The following ZNF680 variants were observed in gnomAD, a reference collection of about 807,000 sequenced individuals.
The protein encoded by ZNF680 is hypothetical protein FLJ90430.
In ZNF680, 6 loss-of-function variants were observed where a neutral mutation model predicts 12.1. That is an observed-to-expected ratio of 0.49 (90% CI 0.27 to 0.98). The LOEUF (loss-of-function observed/expected upper bound fraction) is 0.98, where lower values mean the gene tolerates loss of function less well. Among genes scored for constraint, ZNF680 ranks in the 50% least tolerant of loss-of-function variants. The pLI is 0.12. For synonymous variants in ZNF680, 170 were observed against 199.3 expected (o/e 0.85, Z 1.24); for missense variants, 561 against 616.3 (o/e 0.91, Z 0.95).
chr7:64,526,566 A>G (rs899197363), intron 3 of ZNF680: 1 of 420,668 alleles, frequency 2.4e-6, no homozygotes, highest in Non-Finnish European at 4.2e-6. Context: ...TATTTAAAAA[A>G]AAAAAATGAT....
the ZNF680 span, among the ~76,000 whole-genome samples, chr7:64,499,608 T>G: frequency 6.6e-6 from 1 of 151,968 alleles, no homozygotes; most frequent in Non-Finnish European, 1.5e-5. Context: ...ACACAAAAAA[T>G]TAACCGGGTG....
At position 64,548,260 on chromosome 7, in the gene ZNF680, A is replaced by C. The variant is rs185612301; in HGVS notation, c.31-3828T>G. Reference sequence around the variant, plus strand: ...TAGGACATAAATATGTATTAATAGGAAAGTAAAAAAGAATACAAACAATAA... The same window carrying C: ...TAGGACATAAATATGTATTAATAGGCAAGTAAAAAAGAATACAAACAATAA... On this transcript the variant is annotated intron_variant, in intron 1 of 3. Coordinates refer to ENST00000309683, the MANE Select transcript of ZNF680 (RefSeq NM_178558.5). 6.4e-4 allele frequency among the ~76,000 whole-genome samples: 97 copies of C among 152,382 alleles called. 2 individuals carry two copies. The East Asian group carries it at 0.016, about 26-fold the overall frequency.
intron 3 of ZNF680, among the ~76,000 whole-genome samples, chr7:64,539,454 G>T (rs1786382773): frequency 6.6e-6 from 1 of 150,790 alleles, no homozygotes; most frequent in African/African-American, 2.5e-5. Context: ...AAAATGATGG[G>T]TACTGTATGA....
chr7:64,562,744 G>A (rs1188691889), intron 1 of ZNF680, among the ~76,000 whole-genome samples, 181 bp downstream of exon 1: 1 of 152,186 alleles, frequency 6.6e-6, no homozygotes, highest in Non-Finnish European at 1.5e-5. Flanking sequence ...CCCGGGGTCC[G>A]GCTGTCAGCC....
At chr7:64,508,127 A>G in the ZNF680 span, among the ~76,000 whole-genome samples, 6 of 80,034 alleles carry the variant, frequency 7.5e-5, no homozygotes, top group African/African-American at 3.1e-4. Flanking sequence ...TAAAATGTAT[A>G]TATATATATA....
chr7:64,539,247 C>T (rs56029706), intron 3 of ZNF680, among the ~76,000 whole-genome samples: 1 of 143,024 alleles, frequency 7.0e-6, no homozygotes, highest in African/African-American at 2.6e-5. Flanking sequence ...AAAAAAAAAT[C>T]TTGGGAAGCT....
chr7:64,557,574 A>C, intron 1 of ZNF680, among the ~76,000 whole-genome samples: 1 of 151,818 alleles, frequency 6.6e-6, no homozygotes, highest in East Asian at 1.9e-4. Flanking sequence ...AAAAAACAAA[A>C]AAAAACAAAA....
At chr7:64,500,935 T>C in the ZNF680 span, 1 of 632,712 alleles carries the variant, frequency 1.6e-6, no homozygotes, top group South Asian at 1.4e-5. Context: ...AGGCAATCTT[T>C]TCGATGTGCA....
the ZNF680 span, among the ~76,000 whole-genome samples, chr7:64,504,924 A>G: frequency 6.6e-6 from 1 of 152,314 alleles, no homozygotes; most frequent in South Asian, 2.1e-4. Flanking sequence ...AAATTGAGAG[A>G]CTAGATTTGC....
rs760482124 is a variant in ZNF680 at position 64,522,304 on chromosome 7, C to T, written c.450G>A (p.Gln150=). ...NELNQCLRTT[Q]SKIFQCDKYV... ...ATTTATCACATTGAAATATTTTGCT[C>T]TGGGTAGTTCTCAAACATTGGTTAA... Residue 150 remains glutamine (Q), a synonymous_variant, in exon 4 of 4, where the codon CAG becomes CAA. Coordinates refer to ENST00000309683, the MANE Select transcript of ZNF680 (RefSeq NM_178558.5). The T allele has an allele frequency of 3.7e-6, 6 of 1,612,854 alleles. No homozygotes were observed. The highest frequency in any genetic ancestry group is 4.5e-5 in the East Asian group (2 of 44,788).
chr7:64,562,001 G>A (rs565614546), intron 1 of ZNF680, among the ~76,000 whole-genome samples: 4 of 150,274 alleles, frequency 2.7e-5, no homozygotes, highest in African/African-American at 9.8e-5. Context: ...TTGAGAGGCC[G>A]AGGCGGGCAG....
intron 1 of ZNF680, among the ~76,000 whole-genome samples, chr7:64,548,840 T>C (rs1220263081): frequency 2.0e-5 from 3 of 151,914 alleles, no homozygotes; most frequent in African/African-American, 7.3e-5. Context: ...AAAATGAAAC[T>C]GGCCGGGCGC....
downstream of ZNF680, among the ~76,000 whole-genome samples, chr7:64,515,846 G>A (rs1013960563): frequency 1.3e-5 from 2 of 152,054 alleles, no homozygotes; most frequent in Admixed American, 6.6e-5. Context: ...ACTATACAGC[G>A]GCTCCTATAA....
chr7:64,510,692 C>G, the ZNF680 span, among the ~76,000 whole-genome samples: 1 of 147,470 alleles, frequency 6.8e-6, no homozygotes, highest in Non-Finnish European at 1.5e-5. Context: ...GGGCGGATCA[C>G]GAGGTCAGGA....
Position 64,543,709 on chromosome 7 carries a change from G to A in ZNF680, c.251C>T (p.Pro84Leu), listed in dbSNP as rs1786627278. Residue 84 changes from proline to leucine, a missense_variant and splice_region_variant, in exon 3 of 4, where the codon CCA becomes CTA. Coordinates refer to ENST00000309683, the MANE Select transcript of ZNF680 (RefSeq NM_178558.5). ...RKRQEMVAKP[P>L]VIYSHFTEDL... Reference sequence around the variant, plus strand: ...TATTCACTATCACTCTCACCTACCTGGGGGTTTGGCTACCATCTCCTGTCT... The same window carrying A: ...TATTCACTATCACTCTCACCTACCTAGGGGTTTGGCTACCATCTCCTGTCT... 1 of 1,612,198 alleles carries A rather than the reference G, an allele frequency of 6.2e-7. No individual in the cohort carries two copies. The highest frequency in any genetic ancestry group is 1.3e-5 in the African/African-American group (1 of 74,824).
At chr7:64,508,989 C>T in the ZNF680 span, among the ~76,000 whole-genome samples, 1 of 152,120 alleles carries the variant, frequency 6.6e-6, no homozygotes, top group Admixed American at 6.5e-5. Context: ...CAGTAATAGA[C>T]ATTTATGGCA....
Position 64,522,256 on chromosome 7 carries a change from A to G in ZNF680, c.498T>C (p.Phe166=). ...CDKYVKVFHK[F]SNSNSHKKRN... ...TTTTCTTATGACTGTTTGAATTTGA[A>G]AATTTATGAAAGACTTTCACGTATT... Residue 166 remains phenylalanine (F), a synonymous_variant, in exon 4 of 4, where the codon TTT becomes TTC. Transcript: ENST00000309683. 2 of 1,612,882 alleles carry G rather than the reference A, an allele frequency of 1.2e-6. No individual in the cohort carries two copies. The highest frequency in any genetic ancestry group is 1.7e-6 in the Non-Finnish European group (2 of 1,179,356).
At chr7:64,525,541 G>A (rs1791791654) in intron 3 of ZNF680, 2 of 166,990 alleles carry the variant, frequency 1.2e-5, no homozygotes, top group Non-Finnish European at 2.5e-5. Flanking sequence ...GCCAGGAAAT[G>A]GGTAAAATTC....
the ZNF680 span, among the ~76,000 whole-genome samples, chr7:64,499,698 C>T: frequency 6.6e-6 from 1 of 152,132 alleles, no homozygotes; most frequent in Non-Finnish European, 1.5e-5. Context: ...GAGCGGAGAC[C>T]ACGCCATTGC....
Sources: gnomAD v4.1 joint callset for allele counts (sites outside exome capture counted in the v4.1 genomes callset) on GRCh38, gnomAD v4.1.1 for gene constraint, MANE v1.5 for transcripts, NCBI Gene and HGNC (gene_info 2026-07-23, HGNC 2026-07-21) for gene names.